The following GCNT2 variants were observed in gnomAD, a reference collection of about 807,000 sequenced individuals.
GCNT2 encodes N-acetyllactosaminide beta-1,6-N-acetylglucosaminyl-transferase.
Under a neutral mutation model 34.2 loss-of-function variants are expected in GCNT2, and 34 were observed. That is an observed-to-expected ratio of 1.00 (90% CI 0.76 to 1.32). GCNT2 has a LOEUF of 1.32. GCNT2 is among the 40% of genes most tolerant of loss of function. GCNT2 has a pLI of 0.00. For missense variants in GCNT2, 584 were observed against 489.4 expected (o/e 1.19, Z -1.82); for synonymous variants, 212 against 188.0 (o/e 1.13, Z -1.04).
rs1766324888 is a variant in GCNT2, at chr6:10,627,723, A to G, written c.*1116A>G. The G allele has an allele frequency of 6.6e-6, 1 of 152,238 alleles. No individual in the cohort carries two copies. The highest frequency in any genetic ancestry group is 6.5e-5 in the Admixed American group (1 of 15,290). The allele number at this position is 152,238 out of a possible 1,614,324, so 9.4% of individuals were successfully genotyped here. ...CTTTTTCACTCTAAAAATCTTGGCA[A>G]TAATGTCAACACCAGAAAGCCTCCT... On this transcript the variant is annotated 3_prime_UTR_variant, in exon 5 of 5. Coordinates refer to ENST00000495262, the MANE Select transcript of GCNT2 (RefSeq NM_145649.5).
Position 10,626,769 on chromosome 6 carries a change from G to A in GCNT2, c.*162G>A. 1 of 635,430 alleles carries A rather than the reference G, an allele frequency of 1.6e-6. No homozygotes were observed. Among genetic ancestry groups the A allele is most frequent in the Non-Finnish European group, 2.8e-6 (1 of 355,672 alleles). The allele number at this position is 635,430 out of a possible 1,614,324, so 39.4% of individuals were successfully genotyped here. On this transcript the variant is annotated 3_prime_UTR_variant, in exon 5 of 5. Transcript: ENST00000495262. ...ATACTTAAAATATCCACTGGACACT[G>A]TGAAATACACTAACAGGATGGCTGG...
At chr6:10,605,006 C>G (rs1009362065) in intron 3 of GCNT2, among the ~76,000 whole-genome samples, 1 of 151,912 alleles carries the variant, frequency 6.6e-6, no homozygotes, top group Non-Finnish European at 1.5e-5. Context: ...ATTAGCTGGG[C>G]ATGGTGGTGC....
At chr6:10,589,806 G>A (rs1413171083) in intron 3 of GCNT2, among the ~76,000 whole-genome samples, 1 of 152,084 alleles carries the variant, frequency 6.6e-6, no homozygotes, top group African/African-American at 2.4e-5. Context: ...GTTCACTACA[G>A]ATATACTCAG....
intron 3 of GCNT2, among the ~76,000 whole-genome samples, chr6:10,566,052 C>T (rs112048782): frequency 0.011 from 1,715 of 152,298 alleles, 36 homozygotes; most frequent in African/African-American, 0.039. Flanking sequence ...TCTCTAGCTG[C>T]GCCCTTCCCC....
chr6:10,564,051 A>G (rs943238363), intron 3 of GCNT2, among the ~76,000 whole-genome samples: 2 of 152,032 alleles, frequency 1.3e-5, no homozygotes, highest in Admixed American at 1.3e-4. Flanking sequence ...TTTCTCTTTC[A>G]TCCTGATATT....
chr6:10,557,492 TC>T (rs1762776349), intron 3 of GCNT2: 4 of 661,720 alleles, frequency 6.0e-6, no homozygotes, highest in South Asian at 3.8e-5. Flanking sequence ...AGAAAGATGT[TC>T]TTTTTTTTTT....
chr6:10,574,866 C>G, intron 3 of GCNT2: 1 of 697,440 alleles, frequency 1.4e-6, no homozygotes. Flanking sequence ...AGGCACCTTT[C>G]TCTTTGTCTT....
At chr6:10,545,111 G>A (rs1021516635) in intron 3 of GCNT2, among the ~76,000 whole-genome samples, 2 of 152,022 alleles carry the variant, frequency 1.3e-5, no homozygotes, top group African/African-American at 4.8e-5. Context: ...AGAATCAAGT[G>A]GGTACAGCCC....
Position 10,529,849 on chromosome 6 carries a change from CTT to C in GCNT2, c.925+14_925+15del, listed in dbSNP as rs751249591. On this transcript the variant is annotated intron_variant, in intron 3 of 4. Coordinates refer to ENST00000495262, the MANE Select transcript of GCNT2 (RefSeq NM_145649.5). Reference sequence around the variant, plus strand: ...AACAGGATTCCCGGTATGTACGTCTCTTAACTTTTATTTTTACGAATAAACAC... The same window carrying C: ...AACAGGATTCCCGGTATGTACGTCTCAACTTTTATTTTTACGAATAAACAC... 8 of 1,600,554 alleles carry C rather than the reference CTT, an allele frequency of 5.0e-6. No homozygotes were observed. The highest frequency in any genetic ancestry group is 6.8e-6 in the Non-Finnish European group (8 of 1,168,620).
intron 1 of GCNT2, among the ~76,000 whole-genome samples, chr6:10,524,126 GTGT>G (rs754130611): frequency 4.6e-5 from 7 of 152,002 alleles, no homozygotes; most frequent in South Asian, 2.1e-4. Context: ...CAACAAACGG[GTGT>G]TGTTTTCTCA....
At chr6:10,570,133 C>T (rs1440053351) in intron 3 of GCNT2, among the ~76,000 whole-genome samples, 1 of 152,078 alleles carries the variant, frequency 6.6e-6, no homozygotes, top group Non-Finnish European at 1.5e-5. Flanking sequence ...TGGGGTTTTG[C>T]CATGTTACTC....
intron 3 of GCNT2, among the ~76,000 whole-genome samples, chr6:10,584,541 C>T (rs377615299): frequency 1.9e-4 from 29 of 152,298 alleles, no homozygotes; most frequent in African/African-American, 7.0e-4. Flanking sequence ...AGGTCTTTCC[C>T]TTCCCACGAG....
At chr6:10,622,946 G>A (rs916115026) in intron 4 of GCNT2, among the ~76,000 whole-genome samples, 2 of 151,754 alleles carry the variant, frequency 1.3e-5, no homozygotes, top group Non-Finnish European at 2.9e-5. Flanking sequence ...GTAGAGACGG[G>A]GCTTCACCAT....
At chr6:10,582,293 TACTA>T (rs908742342) in intron 3 of GCNT2, among the ~76,000 whole-genome samples, 4 of 83,978 alleles carry the variant, frequency 4.8e-5, no homozygotes, top group African/African-American at 2.3e-4. Context: ...TATATAATAT[TACTA>T]TATATTTAAT....
At chr6:10,600,246 AG>A (rs1765036156) in intron 3 of GCNT2, among the ~76,000 whole-genome samples, 1 of 152,210 alleles carries the variant, frequency 6.6e-6, no homozygotes, top group Non-Finnish European at 1.5e-5. Flanking sequence ...ATTCTTAAAA[AG>A]TGTTCAGAAT....
intron 3 of GCNT2, among the ~76,000 whole-genome samples, chr6:10,563,775 AAAAT>A (rs1358377284): frequency 3.2e-3 from 97 of 30,446 alleles, no homozygotes; most frequent in African/African-American, 0.012. Context: ...AAAAAAAAAA[AAAAT>A]ATATATATAT....
chr6:10,531,632 G>A (rs965622654), intron 3 of GCNT2, among the ~76,000 whole-genome samples: 2 of 152,190 alleles, frequency 1.3e-5, no homozygotes, highest in African/African-American at 4.8e-5. Context: ...TTTTCTCAGA[G>A]CCAGAAGGGG....
At chr6:10,540,526 C>T (rs974595632) in intron 3 of GCNT2, among the ~76,000 whole-genome samples, 1 of 77,110 alleles carries the variant, frequency 1.3e-5, no homozygotes. Flanking sequence ...GATCTCAGTT[C>T]CCTCTATGCC....
chr6:10,619,336 C>T (rs1207932984), intron 3 of GCNT2: 1 of 151,642 alleles, frequency 6.6e-6, no homozygotes, highest in African/African-American at 2.4e-5. Flanking sequence ...AGTGCATCAC[C>T]ATGCTTGGCT....
Sources: allele counts gnomAD v4.1 joint callset (sites outside exome capture counted in the v4.1 genomes callset), GRCh38; gene constraint gnomAD v4.1.1; transcripts MANE v1.5; gene names NCBI Gene and HGNC (gene_info 2026-07-23, HGNC 2026-07-21).